KCNAB1: variants seen among roughly 807,000 people sequenced by gnomAD.
The protein encoded by KCNAB1 is potassium voltage-gated channel subfamily A regulatory beta subunit 1, also known as voltage-gated potassium channel subunit beta-1.
In KCNAB1, 35 loss-of-function variants were observed where a neutral mutation model predicts 64.6. That is an observed-to-expected ratio of 0.54 (90% CI 0.41 to 0.72). The LOEUF (loss-of-function observed/expected upper bound fraction) is 0.72. KCNAB1 is among the 30% of genes least tolerant of loss of function. The pLI, the probability that KCNAB1 is intolerant of heterozygous loss-of-function variation, is 0.00. For synonymous variants in KCNAB1, 177 were observed against 183.8 expected (o/e 0.96, Z 0.30); for missense variants, 401 against 512.9 (o/e 0.78, Z 2.11).
At position 156,342,339 on chromosome 3, in the gene KCNAB1, C is replaced by T. The variant is rs143825628; in HGVS notation, c.276-79277C>T. 2.9e-3 allele frequency among the ~76,000 whole-genome samples: 446 copies of T among 152,260 alleles called. 5 individuals are homozygous for T. The highest frequency in any genetic ancestry group is 0.01 in the African/African-American group (419 of 41,554). ...AGCTTCACTGACTATCATCTTAATC[C>T]GAGGGAGTGCACCAAAGAAAGTGAA... On this transcript the variant is annotated intron_variant, in intron 1 of 13. Coordinates refer to ENST00000490337, the MANE Select transcript of KCNAB1 (RefSeq NM_172160.3).
intron 1 of KCNAB1, among the ~76,000 whole-genome samples, chr3:156,200,866 A>G (rs1277709509): frequency 2.0e-5 from 3 of 152,154 alleles, no homozygotes; most frequent in Non-Finnish European, 4.4e-5. Context: ...AACCAACCAA[A>G]CATACAAACA....
intron 1 of KCNAB1, among the ~76,000 whole-genome samples, chr3:156,303,266 A>T (rs1189423553): frequency 6.6e-6 from 1 of 152,188 alleles, no homozygotes; most frequent in South Asian, 2.1e-4. Context: ...TTAAGTCTAT[A>T]TACTCTCTCT....
intron 8 of KCNAB1, among the ~76,000 whole-genome samples, chr3:156,477,444 A>C (rs1019913498): frequency 3.3e-5 from 5 of 152,012 alleles, no homozygotes; most frequent in African/African-American, 1.2e-4. Context: ...GCAATCAACC[A>C]CCTCATGCTG....
chr3:156,395,145 A>C (rs907066970), intron 1 of KCNAB1, among the ~76,000 whole-genome samples: 3 of 152,212 alleles, frequency 2.0e-5, no homozygotes, highest in Non-Finnish European at 4.4e-5. Flanking sequence ...ACAAGTGCTC[A>C]CCATACATAG....
intron 1 of KCNAB1, among the ~76,000 whole-genome samples, chr3:156,321,863 A>C (rs925017234): frequency 1.3e-5 from 2 of 152,222 alleles, no homozygotes; most frequent in African/African-American, 4.8e-5. Context: ...AATTTAAAAG[A>C]TAGATCTTAA....
At chr3:156,490,782 C>T (rs1291369719) in intron 8 of KCNAB1, among the ~76,000 whole-genome samples, 6 of 151,994 alleles carry the variant, frequency 3.9e-5, no homozygotes, top group Admixed American at 6.6e-5. Context: ...GGGGAGTTAT[C>T]GCAAAGCAAT....
At chr3:156,491,892 C>G (rs187996795) in intron 8 of KCNAB1, among the ~76,000 whole-genome samples, 4 of 152,182 alleles carry the variant, frequency 2.6e-5, no homozygotes, top group African/African-American at 9.6e-5. Flanking sequence ...ATAGAGAACT[C>G]TAAGTGTCCT....
Position 156,537,043 on chromosome 3 carries a change from C to G in KCNAB1, c.*296C>G. 2 of 449,130 alleles carry G rather than the reference C, an allele frequency of 4.5e-6. No homozygotes were observed. The highest frequency in any genetic ancestry group is 7.8e-6 in the Non-Finnish European group (2 of 256,332). 27.8% of individuals were successfully genotyped at this position (449,130 alleles called of 1,614,324 possible). A position where few individuals can be genotyped will look rare whatever the true frequency, so the allele number is the denominator to read the frequency against. On this transcript the variant is annotated 3_prime_UTR_variant, in exon 14 of 14. Coordinates refer to ENST00000490337, the MANE Select transcript of KCNAB1 (RefSeq NM_172160.3). ...AATATGGGGGCCAGGGGGTGTGGTA[C>G]TACCTTCAGGCATTTGGTAACTCAA...
chr3:156,173,155 G>A (rs1041034701), intron 1 of KCNAB1, among the ~76,000 whole-genome samples: 3 of 152,192 alleles, frequency 2.0e-5, no homozygotes, highest in African/African-American at 4.8e-5. Context: ...CAGTGTTGCT[G>A]TCTAAGAGGG....
chr3:156,120,827 A>G lies in KCNAB1; in HGVS notation c.216A>G (p.Leu72=). The G allele has an allele frequency of 6.2e-7, 1 of 1,614,204 alleles. No homozygotes were observed. Among genetic ancestry groups the G allele is most frequent in the Non-Finnish European group, 8.5e-7 (1 of 1,180,034 alleles). The part of the protein sequence containing the change: ...LLREVEMNWY[L]KLCDLSSEHT... ...GCGAAGTGGAGATGAACTGGTACCT[A>G]AAGCTCTGCGACCTGTCCAGCGAGC... Residue 72 remains leucine, a synonymous_variant, in exon 1 of 14, where the codon CTA becomes CTG. Coordinates refer to ENST00000490337, the MANE Select transcript of KCNAB1 (RefSeq NM_172160.3).
chr3:156,422,512 TG>T (rs1481047433), intron 2 of KCNAB1, among the ~76,000 whole-genome samples: 2 of 152,224 alleles, frequency 1.3e-5, no homozygotes, highest in Non-Finnish European at 2.9e-5. Flanking sequence ...AAGGATTTTT[TG>T]CCTGAGCAAC....
At chr3:156,458,601 G>A (rs1003332290) in intron 4 of KCNAB1, among the ~76,000 whole-genome samples, 1 of 152,158 alleles carries the variant, frequency 6.6e-6, no homozygotes, top group Admixed American at 6.6e-5. Context: ...GACCATCAAG[G>A]AGGTTCAGAG....
chr3:156,469,248 C>CTTTTTT (rs34567814), intron 7 of KCNAB1, among the ~76,000 whole-genome samples: 28 of 72,954 alleles, frequency 3.8e-4, no homozygotes, highest in Non-Finnish European at 5.4e-4. Context: ...TTCTTTCTTT[C>CTTTTTT]TTTTTTTTTT....
chr3:156,190,383 A>G (rs1453069645), intron 1 of KCNAB1, among the ~76,000 whole-genome samples: 2 of 152,148 alleles, frequency 1.3e-5, no homozygotes, highest in African/African-American at 2.4e-5. Flanking sequence ...GTAGAAGTTG[A>G]TATGTTCCTC....
chr3:156,475,023 G>A (rs1714240107), intron 8 of KCNAB1, among the ~76,000 whole-genome samples: 1 of 152,152 alleles, frequency 6.6e-6, no homozygotes. Flanking sequence ...TTTTAAAGCA[G>A]TTGAAGGCAT....
At chr3:156,182,695 A>ATTTTTTTTTTTTTTTTTTTTTTTTT (rs10624040) in intron 1 of KCNAB1, among the ~76,000 whole-genome samples, 4 of 132,716 alleles carry the variant, frequency 3.0e-5, no homozygotes, top group Non-Finnish European at 3.1e-5. Context: ...AAGTAAGACA[A>ATTTTTTTTTTTTTTTTTTTTTTTTT]TTTTTTTTTT....
intron 1 of KCNAB1, among the ~76,000 whole-genome samples, chr3:156,263,357 T>A (rs1718531809): frequency 6.6e-6 from 1 of 152,066 alleles, no homozygotes; most frequent in Non-Finnish European, 1.5e-5. Flanking sequence ...TTTTTAAATT[T>A]CCTCTGTTAT....
intron 1 of KCNAB1, chr3:156,291,627 A>C: frequency 1.1e-5 from 14 of 1,303,942 alleles, no homozygotes; most frequent in East Asian, 3.6e-5. Flanking sequence ...CAGCCCGGGA[A>C]GATTTGCAAA....
At chr3:156,372,808 G>GAATATTAC (rs1473670002) in intron 1 of KCNAB1, among the ~76,000 whole-genome samples, 1 of 152,230 alleles carries the variant, frequency 6.6e-6, no homozygotes, top group Non-Finnish European at 1.5e-5. Context: ...ATGCCAAGGT[G>GAATATTAC]AGGCTGTGAA....
Sources: gnomAD v4.1 joint callset for allele counts (sites outside exome capture counted in the v4.1 genomes callset) on GRCh38, gnomAD v4.1.1 for gene constraint, MANE v1.5 for transcripts, NCBI Gene and HGNC (gene_info 2026-07-23, HGNC 2026-07-21) for gene names.